Variants in SBK1 observed in about 807,000 individuals in gnomAD.
The protein encoded by SBK1 is SH3 domain binding kinase 1, also known as serine/threonine-protein kinase SBK1.
SBK1 carries 11 observed loss-of-function variants against 24.4 expected under a neutral mutation model. That is an observed-to-expected ratio of 0.45 (90% CI 0.28 to 0.75). The LOEUF (loss-of-function observed/expected upper bound fraction) is 0.75, where lower values mean the gene tolerates loss of function less well. Ranked by LOEUF, SBK1 falls within the 30% of genes least tolerant of loss-of-function variation. The pLI is 0.12. For missense variants in SBK1, 467 were observed against 620.5 expected (o/e 0.75, Z 2.63); for synonymous variants, 308 against 284.4 (o/e 1.08, Z -0.83).
Position 28,307,139 on chromosome 16 carries a change from A to G in SBK1, c.-7-10246A>G, listed in dbSNP as rs953160587. On this transcript the variant is annotated intron_variant, in intron 1 of 3. Coordinates refer to ENST00000341901, the MANE Select transcript of SBK1 (RefSeq NM_001024401.3). ...TGTGAACAGAGAGGCTGGGGGTGCT[A>G]GAAGAGGTTGATGATGCCAACGGGG... is the stretch of plus-strand genomic sequence containing the variant. Among the ~76,000 whole-genome samples, 3 of 152,304 alleles carry G rather than the reference A, an allele frequency of 2.0e-5. No homozygotes were observed. The South Asian group carries it at 6.2e-4, about 32-fold the overall frequency.
intron 1 of SBK1, among the ~76,000 whole-genome samples, chr16:28,264,127 T>G (rs1385253393): frequency 6.6e-6 from 1 of 152,110 alleles, no homozygotes; most frequent in Non-Finnish European, 1.5e-5. Flanking sequence ...AGACCCTGTC[T>G]CTAAAACTAA....
intron 1 of SBK1, among the ~76,000 whole-genome samples, chr16:28,308,743 GTGTGTGT>G (rs2044733890): frequency 1.8e-5 from 2 of 112,170 alleles, no homozygotes; most frequent in Non-Finnish European, 3.7e-5. Flanking sequence ...TCTTTGGGGT[GTGTGTGT>G]GTGTGTGTGT....
intron 1 of SBK1, among the ~76,000 whole-genome samples, chr16:28,263,674 G>C (rs1248706680): frequency 6.6e-6 from 1 of 152,186 alleles, no homozygotes; most frequent in Non-Finnish European, 1.5e-5. Context: ...GCTCTTAAAT[G>C]GGGGAAGTTG....
In SBK1 at chr16:28,321,214, CA is replaced by C; in HGVS notation, c.*294del. The C allele has an allele frequency of 1.0e-5, 2 of 191,542 alleles. No homozygotes were observed. 11.9% of individuals were successfully genotyped at this position (191,542 alleles called of 1,614,324 possible). ...ACACACACACACACACACACACACA[CA>C]CACACACACACACACACACACACGC... On this transcript the variant is annotated 3_prime_UTR_variant, in exon 4 of 4. Coordinates refer to ENST00000341901, the MANE Select transcript of SBK1 (RefSeq NM_001024401.3).
chr16:28,276,731 C>T (rs1184796526), intron 1 of SBK1, among the ~76,000 whole-genome samples: 2 of 152,050 alleles, frequency 1.3e-5, no homozygotes, highest in Admixed American at 1.3e-4. Context: ...GTGGTGCGAT[C>T]TTGGCTCACT....
chr16:28,322,919 G>GCGCT lies in SBK1; in HGVS notation c.*1999_*2000insGCTC, dbSNP rs2044864504. 6.9e-5 allele frequency: 4 copies of GCGCT among 58,130 alleles called. No individual in the cohort carries two copies. Among genetic ancestry groups the GCGCT allele is most frequent in the South Asian group, 8.4e-4 (1 of 1,184 alleles). 3.6% of individuals were successfully genotyped at this position (58,130 alleles called of 1,614,324 possible). ...CGTGCTCGCTCTCTCTCTCGCGCGC[G>GCGCT]CTCTCTCTCTCCCTCTCTCTCTCTC... On this transcript the variant is annotated 3_prime_UTR_variant, in exon 4 of 4. Transcript: ENST00000341901.
intron 1 of SBK1, among the ~76,000 whole-genome samples, chr16:28,304,760 A>G (rs1341580453): frequency 2.0e-5 from 3 of 151,696 alleles, no homozygotes; most frequent in Non-Finnish European, 4.4e-5. Flanking sequence ...GGTGCCCGCC[A>G]CCACGCCCAG....
chr16:28,279,780 G>A (rs750601998), intron 1 of SBK1, among the ~76,000 whole-genome samples: 21 of 152,134 alleles, frequency 1.4e-4, no homozygotes, highest in Non-Finnish European at 2.9e-4. Flanking sequence ...AGCAGGCTGG[G>A]GATGAGCCCC....
chr16:28,259,365 T>A lies in SBK1; in HGVS notation c.120T>A (p.Pro40=), dbSNP rs1337108936. 5 of 801,148 alleles carry A rather than the reference T, an allele frequency of 6.2e-6. No individual in the cohort carries two copies. The highest frequency in any genetic ancestry group is 7.6e-6 in the Non-Finnish European group (5 of 661,974). 49.6% of individuals were successfully genotyped at this position (801,148 alleles called of 1,614,324 possible). The change falls in exon 1 of 4, where the codon CCT becomes CCA. Residue 40 remains proline, a synonymous_variant. Transcript: ENST00000671413. This position sits in a 1 kb window ranked among gnomAD's most constrained non-coding sequence, Gnocchi z 6.0. Reference sequence around the variant, plus strand: ...GCGATGATGCTGCGGAGGCCACCCCTGGCCACCCCTGCCCTGTCCTGGAGC... The same window carrying A: ...GCGATGATGCTGCGGAGGCCACCCCAGGCCACCCCTGCCCTGTCCTGGAGC...
chr16:28,305,203 ATCTT>A (rs200971795), intron 1 of SBK1, among the ~76,000 whole-genome samples: 5 of 151,564 alleles, frequency 3.3e-5, no homozygotes, highest in Admixed American at 1.3e-4. Flanking sequence ...TCCCCGCCAG[ATCTT>A]TCTTTCTTTC....
intron 1 of SBK1, among the ~76,000 whole-genome samples, chr16:28,276,751 G>A (rs2044495729): frequency 2.0e-5 from 3 of 151,952 alleles, no homozygotes; most frequent in South Asian, 4.1e-4. Flanking sequence ...TGCAACCTCC[G>A]CCTCCCGGGT....
chr16:28,278,958 G>C (rs1477820111), intron 1 of SBK1, among the ~76,000 whole-genome samples: 1 of 152,234 alleles, frequency 6.6e-6, no homozygotes, highest in Non-Finnish European at 1.5e-5. Flanking sequence ...AGCCGTGGTG[G>C]CTCATGCCTG....
At chr16:28,308,998 T>A (rs2044736248) in intron 1 of SBK1, among the ~76,000 whole-genome samples, 1 of 152,106 alleles carries the variant, frequency 6.6e-6, no homozygotes, top group African/African-American at 2.4e-5. Context: ...ATTGGGGTAG[T>A]GCCAGCTGCT....
chr16:28,268,849 G>A (rs546250680), intron 1 of SBK1, among the ~76,000 whole-genome samples: 1 of 152,230 alleles, frequency 6.6e-6, no homozygotes, highest in Non-Finnish European at 1.5e-5. Flanking sequence ...AGAAGCTCAA[G>A]AGCAAACATT....
intron 1 of SBK1, among the ~76,000 whole-genome samples, chr16:28,278,002 G>A (rs1388993475): frequency 1.3e-5 from 2 of 152,402 alleles, no homozygotes; most frequent in South Asian, 4.1e-4. Context: ...GCCTCAGCCA[G>A]GTTACACAAA....
In SBK1 at chr16:28,320,869, A is replaced by G; in HGVS notation, c.1223A>G (p.Asp408Gly). The G allele has an allele frequency of 1.3e-6, 2 of 1,501,248 alleles. No individual in the cohort carries two copies. The highest frequency in any genetic ancestry group is 1.8e-6 in the Non-Finnish European group (2 of 1,129,844). 93.0% of individuals were successfully genotyped at this position (1,501,248 alleles called of 1,614,324 possible). Reference sequence around the variant, plus strand: ...CCCGGCCGGACCGACGGCCGCGCGGACAAGAGCAAAGGGCAGGTGGTGCTG... The same window carrying G: ...CCCGGCCGGACCGACGGCCGCGCGGGCAAGAGCAAAGGGCAGGTGGTGCTG... The part of the protein sequence containing the change: ...GPPGRTDGRA[D>G]KSKGQVVLAT... The change falls in exon 4 of 4, where the codon GAC (aspartate) becomes GGC (glycine). Residue 408 changes from aspartate to glycine, a missense_variant. Asp to Gly is a moderately conservative substitution (Grantham distance 94, BLOSUM62 -1). Coordinates refer to ENST00000341901, the MANE Select transcript of SBK1 (RefSeq NM_001024401.3). The surrounding 1 kb of genome is among the most constrained non-coding windows in gnomAD (Gnocchi z 8.5).
At position 28,317,400 on chromosome 16, in the gene SBK1, G is replaced by A. The variant is rs1180264867; in HGVS notation, c.9G>A (p.Val3=). 1.2e-5 allele frequency: 19 copies of A among 1,613,604 alleles called. No homozygotes were observed. Among genetic ancestry groups the A allele is most frequent in the Non-Finnish European group, 1.6e-5 (19 of 1,179,716 alleles). The change falls in exon 2 of 4, where the codon GTG becomes GTA. Residue 3 remains valine, a synonymous_variant. Coordinates refer to ENST00000341901, the MANE Select transcript of SBK1 (RefSeq NM_001024401.3). The surrounding 1 kb of genome is among the most constrained non-coding windows in gnomAD (Gnocchi z 4.2). ...TACCCAACAGGGAGAAGATGAGCGT[G>A]GGCTGCCCAGAGCCTGAGCCGCCCC... MS[V]GCPEPEPPRS...
chr16:28,292,194 C>G (rs1468006047), upstream of SBK1: 1 of 150,194 alleles, frequency 6.7e-6, no homozygotes, highest in East Asian at 2.0e-4. Context: ...CCCTCTCAGA[C>G]TCCCCCGAGT....
At chr16:28,280,143 A>ATGTGTGTGTGTGTG (rs1187072862) in intron 1 of SBK1, among the ~76,000 whole-genome samples, 29 of 57,224 alleles carry the variant, frequency 5.1e-4, no homozygotes, top group Admixed American at 4.8e-3. Context: ...ATATATATAT[A>ATGTGTGTGTGTGTG]TATATATGTG....
Sources: gnomAD v4.1 joint callset for allele counts (sites outside exome capture counted in the v4.1 genomes callset) on GRCh38, gnomAD v4.1.1 for gene constraint, Gnocchi (gnomAD v3.1) non-coding constraint, MANE v1.5 for transcripts, NCBI Gene and HGNC (gene_info 2026-07-23, HGNC 2026-07-21) for gene names.